SGPP1: variants seen among roughly 807,000 people sequenced by gnomAD.
The protein encoded by SGPP1 is hSPP1.
SGPP1 carries 21 observed loss-of-function variants against 33.0 expected under a neutral mutation model. That is an observed-to-expected ratio of 0.64 (90% CI 0.45 to 0.92). The LOEUF is 0.92. SGPP1 is among the 40% of genes least tolerant of loss of function. The probability of loss-of-function intolerance (pLI) is 0.00; values close to 1 mark genes in which losing one functional copy is unlikely to be tolerated. For missense variants in SGPP1, 543 were observed against 589.4 expected, an observed-to-expected ratio of 0.92 and a Z score of 0.81; for synonymous variants, 239 against 241.2, an observed-to-expected ratio of 0.99 and a Z score of 0.08.
intron 2 of SGPP1, among the ~76,000 whole-genome samples, chr14:63,692,388 A>G (rs906363882): frequency 5.3e-5 from 8 of 152,256 alleles, no homozygotes; most frequent in Non-Finnish European, 1.2e-4. Context: ...CAGTTGTTAT[A>G]AAAATTAACA....
intron 1 of SGPP1, among the ~76,000 whole-genome samples, chr14:63,702,421 T>C (rs755770717): frequency 6.6e-6 from 1 of 152,134 alleles, no homozygotes; most frequent in African/African-American, 2.4e-5. Context: ...AAAAAATATT[T>C]TGGGGCCAAG....
At chr14:63,693,003 T>C (rs902207844) in intron 2 of SGPP1, among the ~76,000 whole-genome samples, 1 of 152,140 alleles carries the variant, frequency 6.6e-6, no homozygotes, top group Admixed American at 6.5e-5. Flanking sequence ...GGGGAGATCA[T>C]GGCTCACCAC....
chr14:63,715,501 C>T (rs115891449), intron 1 of SGPP1, among the ~76,000 whole-genome samples: 1,701 of 151,612 alleles, frequency 0.011, 36 homozygotes, highest in African/African-American at 0.038. Context: ...TTTTTTGAGC[C>T]GGAGTTTCAC....
rs181225636 is a variant in SGPP1 at position 63,702,855 on chromosome 14, A to G, written c.685-4197T>C. ...AAAGAATTTCATCAGTAAGCAGACA[A>G]AAAAGACTACAGATCTTAATGGCTA... On this transcript the variant is annotated intron_variant, in intron 1 of 2. Coordinates refer to ENST00000247225, the MANE Select transcript of SGPP1 (RefSeq NM_030791.4). Among the ~76,000 whole-genome samples, 547 of 152,368 alleles carry G rather than the reference A, an allele frequency of 3.6e-3. 4 individuals are homozygous for G. The highest frequency in any genetic ancestry group is 5.4e-3 in the Non-Finnish European group (366 of 68,038).
chr14:63,706,311 G>A (rs1406220199), intron 1 of SGPP1, among the ~76,000 whole-genome samples: 2 of 152,116 alleles, frequency 1.3e-5, no homozygotes, highest in Non-Finnish European at 2.9e-5. Flanking sequence ...TGGGAAGAGG[G>A]TTCCCTTTTG....
At position 63,685,748 on chromosome 14, in the gene SGPP1, T is replaced by TA. The variant is rs1210583389; in HGVS notation, c.*356dup. The TA allele has an allele frequency of 2.7e-5, 4 of 149,842 alleles. No homozygotes were observed. The highest frequency in any genetic ancestry group is 4.2e-4 in the South Asian group (2 of 4,790). 9.3% of individuals were successfully genotyped at this position (149,842 alleles called of 1,614,324 possible). On this transcript the variant is annotated 3_prime_UTR_variant, in exon 3 of 3. Transcript: ENST00000247225. The stretch of plus-strand genomic sequence containing the variant: ...GATTTTATAATACACTCCCATAGTT[T>TA]AAAAAAACACTTAGGTATATTATTT...
chr14:63,692,083 C>T lies in SGPP1; in HGVS notation c.775-5427G>A, dbSNP rs142907448. Among the ~76,000 whole-genome samples, 660 of 152,228 alleles carry T rather than the reference C, an allele frequency of 4.3e-3. 7 individuals carry two copies. The highest frequency in any genetic ancestry group is 0.015 in the African/African-American group (607 of 41,544). ...GCAGATGATATATAATTTATTGAACCAGGCCTAAGACATTTTTGGAGAATA... is the reference window on the plus strand; with the variant it reads ...GCAGATGATATATAATTTATTGAACTAGGCCTAAGACATTTTTGGAGAATA... On this transcript the variant is annotated intron_variant, in intron 2 of 2. Coordinates refer to ENST00000247225, the MANE Select transcript of SGPP1 (RefSeq NM_030791.4).
chr14:63,698,703 G>C (rs761901580), intron 1 of SGPP1, 45 bp from the exon 2 acceptor site: 1 of 1,079,160 alleles, frequency 9.3e-7, no homozygotes, highest in African/African-American at 1.6e-5. Context: ...ATTTAAGTTA[G>C]ATATAAACAA....
chr14:63,704,553 A>G lies in SGPP1; in HGVS notation c.685-5895T>C, dbSNP rs372157448. Among the ~76,000 whole-genome samples the G allele has an allele frequency of 1.3e-4, 20 of 152,200 alleles. No homozygotes were observed. In the South Asian group the frequency reaches 4.2e-3, roughly 32 times the overall value. On this transcript the variant is annotated intron_variant, in intron 1 of 2. Transcript: ENST00000247225. ...TTAAATATAGCAGCTAAAAACTTTT[A>G]GAAGAAATCATAGGGGCCGGGTGTA... is the stretch of plus-strand genomic sequence containing the variant.
chr14:63,713,971 C>G (rs1184422018), intron 1 of SGPP1, among the ~76,000 whole-genome samples: 1 of 152,158 alleles, frequency 6.6e-6, no homozygotes, highest in Non-Finnish European at 1.5e-5. Context: ...GCAGGAGGCC[C>G]AGACAGAACA....
At chr14:63,693,830 T>C (rs994629292) in intron 2 of SGPP1, among the ~76,000 whole-genome samples, 1 of 152,212 alleles carries the variant, frequency 6.6e-6, no homozygotes, top group Non-Finnish European at 1.5e-5. Context: ...CCCAGGTTGG[T>C]CTTGAACTCC....
intron 2 of SGPP1, among the ~76,000 whole-genome samples, chr14:63,694,458 G>C (rs1885149839): frequency 6.6e-6 from 1 of 151,512 alleles, no homozygotes; most frequent in Non-Finnish European, 1.5e-5. Context: ...AACTTAGATT[G>C]TTCCACACCT....
intron 1 of SGPP1, among the ~76,000 whole-genome samples, chr14:63,721,696 A>AT (rs1291139971): frequency 6.6e-6 from 1 of 152,140 alleles, no homozygotes; most frequent in Non-Finnish European, 1.5e-5. Flanking sequence ...GACCTCACAG[A>AT]TATCTTCTTC....
At chr14:63,697,093 C>A (rs1885201964) in intron 2 of SGPP1, among the ~76,000 whole-genome samples, 1 of 152,114 alleles carries the variant, frequency 6.6e-6, no homozygotes, top group Non-Finnish European at 1.5e-5. Context: ...CCATCTGGGT[C>A]ACAGGATCAA....
At chr14:63,699,291 G>A (rs566675170) in intron 1 of SGPP1, among the ~76,000 whole-genome samples, 5 of 152,280 alleles carry the variant, frequency 3.3e-5, no homozygotes, top group Admixed American at 6.5e-5. Flanking sequence ...GACAATTCTT[G>A]GTATCAATGG....
At position 63,727,300 on chromosome 14, in the gene SGPP1, G is replaced by C. The variant is rs776794172; in HGVS notation, c.645C>G (p.Ile215Met). The change falls in exon 1 of 3, where the codon ATC becomes ATG. Residue 215 changes from isoleucine to methionine, a missense_variant. Coordinates refer to ENST00000247225, the MANE Select transcript of SGPP1 (RefSeq NM_030791.4). ...AGGTGAGGAGGACCATAGAAATGGG[G>C]ATGGCGGTGCCGGACATGGCATGGG... is the stretch of plus-strand genomic sequence containing the variant. The part of the protein sequence containing the change: ...PSTHAMSGTA[I>M]PISMVLLTYG... 1 of 1,613,822 alleles carries C rather than the reference G, an allele frequency of 6.2e-7. No homozygotes were observed. The highest frequency in any genetic ancestry group is 2.2e-5 in the East Asian group (1 of 44,892).
chr14:63,724,241 C>T (rs1885830762), intron 1 of SGPP1, among the ~76,000 whole-genome samples: 1 of 152,036 alleles, frequency 6.6e-6, no homozygotes, highest in South Asian at 2.1e-4. Context: ...ATTTAAAATG[C>T]TCTGGGTGGT....
At chr14:63,720,697 T>C (rs1595073332) in intron 1 of SGPP1, among the ~76,000 whole-genome samples, 1 of 151,968 alleles carries the variant, frequency 6.6e-6, no homozygotes, top group Admixed American at 6.6e-5. Flanking sequence ...GAGCCGGAGG[T>C]TGCGGTGAGC....
At position 63,684,773 on chromosome 14, in the gene SGPP1, G is replaced by C. The variant is rs1884936648; in HGVS notation, c.*1332C>G. The C allele has an allele frequency of 6.6e-6, 1 of 152,118 alleles. No individual in the cohort carries two copies. Among genetic ancestry groups the C allele is most frequent in the African/African-American group, 2.4e-5 (1 of 41,316 alleles). 9.4% of individuals were successfully genotyped at this position (152,118 alleles called of 1,614,324 possible). A position where few individuals can be genotyped will look rare whatever the true frequency, so the allele number is the denominator to read the frequency against. ...GTACAACCACACTTCAAAATATAAA[G>C]GTAGACAGAAAAAAGAATAGTTTAA... On this transcript the variant is annotated 3_prime_UTR_variant, in exon 3 of 3. Coordinates refer to ENST00000247225, the MANE Select transcript of SGPP1 (RefSeq NM_030791.4).
Sources: gnomAD v4.1 joint callset for allele counts (sites outside exome capture counted in the v4.1 genomes callset) on GRCh38, gnomAD v4.1.1 for gene constraint, MANE v1.5 for transcripts, NCBI Gene and HGNC (gene_info 2026-07-23, HGNC 2026-07-21) for gene names.